The following ATXN7L1 variants were observed in gnomAD, a reference collection of about 807,000 sequenced individuals.
ATXN7L1 encodes the protein ataxin-7-like protein 1.
A neutral mutation model predicts 70.8 loss-of-function variants in ATXN7L1; 15 were observed. The observed-to-expected ratio is 0.21, with a 90% CI of 0.14 to 0.33. ATXN7L1 has a LOEUF of 0.33. Ranked by LOEUF, ATXN7L1 falls within the 10% of genes least tolerant of loss-of-function variation. The pLI, the probability that ATXN7L1 is intolerant of heterozygous loss-of-function variation, is 1.00. For missense variants in ATXN7L1, 975 were observed against 1,097.1 expected, an observed-to-expected ratio of 0.89 and a Z score of 1.57; for synonymous variants, 440 against 445.1, an observed-to-expected ratio of 0.99 and a Z score of 0.14.
At chr7:105,752,942 T>C (rs2116390929) in intron 3 of ATXN7L1, among the ~76,000 whole-genome samples, 1 of 152,048 alleles carries the variant, frequency 6.6e-6, no homozygotes, top group East Asian at 1.9e-4. Context: ...TCATAGTGAA[T>C]TGAAGACCAT....
At chr7:105,633,123 C>T (rs998028869) in intron 7 of ATXN7L1, among the ~76,000 whole-genome samples, 1 of 151,880 alleles carries the variant, frequency 6.6e-6, no homozygotes, top group African/African-American at 2.4e-5. Context: ...GATTTTCAAT[C>T]CAGTTATATA....
chr7:105,620,097 T>C, intron 9 of ATXN7L1, 103 bp downstream of exon 9: 1 of 1,386,500 alleles, frequency 7.2e-7, no homozygotes, highest in Non-Finnish European at 9.9e-7. Flanking sequence ...CAGAATCATT[T>C]TGTTCTATGA....
At chr7:105,764,521 A>T (rs1800988813) in intron 3 of ATXN7L1, among the ~76,000 whole-genome samples, 1 of 152,166 alleles carries the variant, frequency 6.6e-6, no homozygotes. Flanking sequence ...ACATGACTAC[A>T]AGTTGCGTAT....
At chr7:105,821,452 G>C (rs1401181865) in intron 2 of ATXN7L1, among the ~76,000 whole-genome samples, 1 of 152,236 alleles carries the variant, frequency 6.6e-6, no homozygotes, top group African/African-American at 2.4e-5. Context: ...CAGTGAGTCT[G>C]GGTTTCTAAC....
At chr7:105,667,640 G>A (rs12538117) in intron 3 of ATXN7L1, among the ~76,000 whole-genome samples, 64,299 of 108,692 alleles carry the variant, frequency 0.59, 20,921 homozygotes, top group Admixed American at 0.71. Context: ...CGGAGCTTGC[G>A]GTGAGCCGAG....
intron 3 of ATXN7L1, among the ~76,000 whole-genome samples, chr7:105,778,531 A>C (rs1261214497): frequency 1.3e-5 from 2 of 148,298 alleles, no homozygotes; most frequent in East Asian, 3.9e-4. Flanking sequence ...AAAAAAAAAA[A>C]AAAACAAAGA....
At chr7:105,712,841 C>T (rs917594899) in intron 3 of ATXN7L1, among the ~76,000 whole-genome samples, 1 of 152,306 alleles carries the variant, frequency 6.6e-6, no homozygotes, top group African/African-American at 2.4e-5. Flanking sequence ...GCCTGTTATC[C>T]AGTTCCAAAG....
intron 7 of ATXN7L1, among the ~76,000 whole-genome samples, chr7:105,625,297 C>G (rs1025880160): frequency 2.0e-5 from 3 of 152,374 alleles, no homozygotes; most frequent in Middle Eastern, 3.4e-3. Context: ...GTCGCCCAGG[C>G]TGGAGTACAG....
In ATXN7L1 at chr7:105,692,170, G is replaced by A. The variant is rs538968192; in HGVS notation, c.356-26882C>T. Among the ~76,000 whole-genome samples, 238 of 152,240 alleles carry A rather than the reference G, an allele frequency of 1.6e-3. 1 individual carries two copies. Among genetic ancestry groups the A allele is most frequent in the Middle Eastern group, 0.014 (4 of 294 alleles). On this transcript the variant is annotated intron_variant, in intron 3 of 11. Coordinates refer to ENST00000419735, the MANE Select transcript of ATXN7L1 (RefSeq NM_020725.2). ...TTTTCAGAGAGAACTGGTTGGGGGA[G>A]GGGGAGGTGTCACATGACACACTGC...
rs145731120 is a variant in ATXN7L1, at chr7:105,810,008, A to G, written c.251-21300T>C. 1.9e-3 allele frequency among the ~76,000 whole-genome samples: 283 copies of G among 152,244 alleles called. 2 individuals are homozygous for G. Among genetic ancestry groups the G allele is most frequent in the Admixed American group, 2.9e-3 (44 of 15,300 alleles). On this transcript the variant is annotated intron_variant, in intron 2 of 11. Transcript: ENST00000419735. ...GCTGGCCTCGAATTCCAGGACTCAA[A>G]TGATCCTCCAGCCTTGGCCTCCCAA...
intron 3 of ATXN7L1, among the ~76,000 whole-genome samples, chr7:105,689,408 G>A (rs1233811299): frequency 6.6e-6 from 1 of 152,118 alleles, no homozygotes; most frequent in Non-Finnish European, 1.5e-5. Flanking sequence ...GGGTGGGAGG[G>A]TTTAGCTCAT....
rs1009895800 is a variant in ATXN7L1, at chr7:105,845,849, T to C, written c.250+29963A>G. On this transcript the variant is annotated intron_variant, in intron 2 of 11. Coordinates refer to ENST00000419735, the MANE Select transcript of ATXN7L1 (RefSeq NM_020725.2). ...ATGCTGAGACAACTGGATAGCCACA[T>C]GAAAAAGAATTTTGGCCCCTACTTC... is the stretch of plus-strand genomic sequence containing the variant. Among the ~76,000 whole-genome samples, 20 of 152,162 alleles carry C rather than the reference T, an allele frequency of 1.3e-4. 1 individual carries two copies. The highest frequency in any genetic ancestry group is 4.6e-4 in the African/African-American group (19 of 41,444).
At chr7:105,838,587 A>G (rs1206459786) in intron 2 of ATXN7L1, among the ~76,000 whole-genome samples, 1 of 152,184 alleles carries the variant, frequency 6.6e-6, no homozygotes, top group African/African-American at 2.4e-5. Context: ...GCAGGGGCTG[A>G]GAGACTGGGT....
chr7:105,732,336 C>G (rs1231530235), intron 3 of ATXN7L1, among the ~76,000 whole-genome samples: 1 of 152,144 alleles, frequency 6.6e-6, no homozygotes, highest in African/African-American at 2.4e-5. Flanking sequence ...TTGCTTGAAC[C>G]TGGGAGAAAG....
rs202126131 is a variant in ATXN7L1 at position 105,722,909 on chromosome 7, AAAT to A, written c.356-57624_356-57622del. On this transcript the variant is annotated intron_variant, in intron 3 of 11. Transcript: ENST00000419735. ...CAAAGAAATAAAATAAAATAAAATA[AAAT>A]AATAAAATAAGATACAAGCCAGGTG... is the stretch of plus-strand genomic sequence containing the variant. 3.5e-3 allele frequency among the ~76,000 whole-genome samples: 534 copies of A among 152,066 alleles called. 8 individuals carry two copies. Among genetic ancestry groups the A allele is most frequent in the African/African-American group, 0.012 (490 of 41,468 alleles).
chr7:105,871,022 T>C (rs570552306), intron 2 of ATXN7L1, among the ~76,000 whole-genome samples: 118 of 152,080 alleles, frequency 7.8e-4, no homozygotes, highest in African/African-American at 2.6e-3. Context: ...AAGTTATAAA[T>C]TGAGAAAATA....
chr7:105,781,659 CTTT>C (rs151084209), intron 3 of ATXN7L1, among the ~76,000 whole-genome samples: 8,446 of 151,742 alleles, frequency 0.056, 443 homozygotes, highest in East Asian at 0.18. Context: ...AATTGTGAAA[CTTT>C]TTTTTTAAAG....
At chr7:105,619,528 ATATTTTTTTTTTTTTTTTTTTTTTTTT>A (rs1794600079) in intron 9 of ATXN7L1, among the ~76,000 whole-genome samples, 2 of 14,784 alleles carry the variant, frequency 1.4e-4, no homozygotes, top group South Asian at 4.4e-3. Context: ...ATATATATAT[ATATTTTTTTTTTTTTTTTTTTTTTTTT>A]TTTTTTTTTT....
At chr7:105,723,078 G>C (rs2116306789) in intron 3 of ATXN7L1, among the ~76,000 whole-genome samples, 1 of 152,200 alleles carries the variant, frequency 6.6e-6, no homozygotes, top group East Asian at 1.9e-4. Flanking sequence ...AGTTTTTAGG[G>C]AGTGTGGTTC....
Sources: gnomAD v4.1 joint callset for allele counts (sites outside exome capture counted in the v4.1 genomes callset) on GRCh38, gnomAD v4.1.1 for gene constraint, MANE v1.5 for transcripts, NCBI Gene and HGNC (gene_info 2026-07-23, HGNC 2026-07-21) for gene names.